The following UBLCP1 variants were observed in gnomAD, a reference collection of about 807,000 sequenced individuals.
UBLCP1 encodes the protein ubiquitin like domain containing CTD phosphatase 1.
A neutral mutation model predicts 42.4 loss-of-function variants in UBLCP1; 28 were observed. The observed-to-expected ratio is 0.66, with a 90% CI of 0.49 to 0.90. UBLCP1 has a LOEUF of 0.90. Ranked by LOEUF, UBLCP1 falls within the 40% of genes least tolerant of loss-of-function variation. The pLI is 0.00. For missense variants in UBLCP1, 279 were observed against 374.5 expected, an observed-to-expected ratio of 0.75 and a Z score of 2.10; for synonymous variants, 122 against 120.8, an observed-to-expected ratio of 1.01 and a Z score of -0.07.
intron 9 of UBLCP1, among the ~76,000 whole-genome samples, chr5:159,279,659 A>G (rs1184345084): frequency 2.6e-5 from 4 of 152,258 alleles, no homozygotes; most frequent in Non-Finnish European, 4.4e-5. Context: ...GTGAATTGCC[A>G]TAAGTATAAA....
Position 159,282,767 on chromosome 5 carries a change from A to G in UBLCP1, c.802-445A>G, listed in dbSNP as rs1256435206. Among the ~76,000 whole-genome samples, 3 of 152,140 alleles carry G rather than the reference A, an allele frequency of 2.0e-5. No homozygotes were observed. In the East Asian group the frequency reaches 5.8e-4, roughly 29 times the overall value. ...AAATGTATAATGATATCTCAGCTAT[A>G]TAAAAATTTAATAGAAAAATAAAAT... On this transcript the variant is annotated intron_variant, in intron 9 of 10. Coordinates refer to ENST00000296786, the MANE Select transcript of UBLCP1 (RefSeq NM_145049.5).
At chr5:159,284,058 A>G (rs1205044767) in intron 10 of UBLCP1, among the ~76,000 whole-genome samples, 2 of 152,178 alleles carry the variant, frequency 1.3e-5, no homozygotes, top group Non-Finnish European at 2.9e-5. Context: ...TTGTGTAATA[A>G]TAACACTTTG....
In UBLCP1 at chr5:159,269,017, C is replaced by A. The variant is rs201780569; in HGVS notation, c.102C>A (p.Thr34=). The A allele has an allele frequency of 3.0e-4, 481 of 1,607,030 alleles. 1 individual carries two copies. The highest frequency in any genetic ancestry group is 3.8e-4 in the Non-Finnish European group (444 of 1,177,562). ...TCGATCTCAAACAGTTTCTCAAGAC[C>A]CTTACAGGAGTTCTTCCAGAACGCC... ...TVLDLKQFLK[T]LTGVLPERQK... The change falls in exon 2 of 11, where the codon ACC becomes ACA. Residue 34 remains threonine, a synonymous_variant. Transcript: ENST00000296786.
At chr5:159,284,207 T>C (rs1310945584) in intron 10 of UBLCP1, among the ~76,000 whole-genome samples, 2 of 152,134 alleles carry the variant, frequency 1.3e-5, no homozygotes, top group Non-Finnish European at 2.9e-5. Context: ...GTCATGGAGA[T>C]AGTAAATACT....
chr5:159,278,029 T>C (rs1753558653), intron 8 of UBLCP1, among the ~76,000 whole-genome samples: 1 of 152,238 alleles, frequency 6.6e-6, no homozygotes, highest in Admixed American at 6.5e-5. Context: ...TTAGTTCAGT[T>C]GGACATGAAC....
At chr5:159,283,415 G>GT in intron 10 of UBLCP1, 76 bp downstream of exon 10, 1 of 1,198,474 alleles carries the variant, frequency 8.3e-7, no homozygotes. Context: ...AGTGACCCCA[G>GT]TATATATATA....
At chr5:159,269,686 A>G (rs1167775883) in intron 2 of UBLCP1, among the ~76,000 whole-genome samples, 2 of 152,178 alleles carry the variant, frequency 1.3e-5, no homozygotes, top group Non-Finnish European at 2.9e-5. Context: ...TTCATCTAAC[A>G]TAGAATTGGG....
In UBLCP1 at chr5:159,275,178, A is replaced by G; in HGVS notation, c.616A>G (p.Lys206Glu). The G allele has an allele frequency of 6.2e-7, 1 of 1,613,390 alleles. No individual in the cohort carries two copies. The highest frequency in any genetic ancestry group is 8.5e-7 in the Non-Finnish European group (1 of 1,179,796). The change falls in exon 8 of 11, where the codon AAG (lysine) becomes GAG (glutamate). Residue 206 changes from lysine to glutamate, a missense_variant. Lys to Glu is a moderately conservative substitution (Grantham distance 56). Coordinates refer to ENST00000296786, the MANE Select transcript of UBLCP1 (RefSeq NM_145049.5). ...ELGVSTNANY[K>E]ITFMLDSAAM... ...GGGAGTGAGCACAAATGCAAATTAT[A>G]AGATTACTTTCATGTTGGATAGTGC...
chr5:159,285,927 T>G lies in UBLCP1; in HGVS notation c.*996T>G, dbSNP rs1314756113. On this transcript the variant is annotated 3_prime_UTR_variant, in exon 11 of 11. Coordinates refer to ENST00000296786, the MANE Select transcript of UBLCP1 (RefSeq NM_145049.5). ...CTGTTTTGTGTTGACAATATTGCTT[T>G]ATACAGTTCTTGTATTTGAAAGGAA... is the stretch of plus-strand genomic sequence containing the variant. The G allele has an allele frequency of 6.5e-6, 1 of 152,774 alleles. No homozygotes were observed. The highest frequency in any genetic ancestry group is 1.5e-5 in the Non-Finnish European group (1 of 68,018). The allele number at this position is 152,774 out of a possible 1,614,324, so 9.5% of individuals were successfully genotyped here. A position where few individuals can be genotyped will look rare whatever the true frequency, so the allele number is the denominator to read the frequency against.
intron 1 of UBLCP1, among the ~76,000 whole-genome samples, chr5:159,263,596 G>A (rs1291974519): frequency 6.6e-6 from 1 of 152,166 alleles, no homozygotes; most frequent in Non-Finnish European, 1.5e-5. Context: ...TGGGTTTTGC[G>A]TCCCCAAACT....
At chr5:159,268,477 C>T (rs1245226390) in intron 1 of UBLCP1, among the ~76,000 whole-genome samples, 1 of 152,212 alleles carries the variant, frequency 6.6e-6, no homozygotes, top group African/African-American at 2.4e-5. Flanking sequence ...GAACCCAGGT[C>T]ATCTGGCTCT....
At chr5:159,278,943 G>A (rs950761647) in intron 9 of UBLCP1, among the ~76,000 whole-genome samples, 6 of 152,200 alleles carry the variant, frequency 3.9e-5, no homozygotes, top group African/African-American at 1.4e-4. Context: ...AGCATCCAAA[G>A]TGAAATCATT....
rs1157037403 is a variant in UBLCP1, at chr5:159,270,572, A to G, written c.377A>G (p.Lys126Arg). 1.2e-6 allele frequency: 2 copies of G among 1,611,872 alleles called. No individual in the cohort carries two copies. The highest frequency in any genetic ancestry group is 2.2e-5 in the East Asian group (1 of 44,746). ...LKISRRVKEY[K>R]VEILNPPREG... is the part of the protein sequence containing the mutation. ...ATTTCTCGCAGAGTGAAAGAGTACA[A>G]AGTGGAAATTTTGAATCCTCCCAGG... is the stretch of plus-strand genomic sequence containing the variant. Residue 126 changes from lysine to arginine, a missense_variant, in exon 5 of 11, where the codon AAA becomes AGA. Lys to Arg is a conservative substitution (Grantham distance 26, BLOSUM62 2). Transcript: ENST00000296786.
chr5:159,274,689 G>A, intron 7 of UBLCP1, 67 bp downstream of exon 7: 1 of 1,429,988 alleles, frequency 7.0e-7, no homozygotes, highest in Non-Finnish European at 9.8e-7. Context: ...AAAAGTTCTA[G>A]AACTGAATTA....
At chr5:159,268,637 G>A (rs1753426407) in intron 1 of UBLCP1, among the ~76,000 whole-genome samples, 1 of 152,212 alleles carries the variant, frequency 6.6e-6, no homozygotes, top group Non-Finnish European at 1.5e-5. Context: ...CAGTTGAACA[G>A]TGAGACTCAG....
chr5:159,281,744 T>C (rs1001914493), intron 9 of UBLCP1, among the ~76,000 whole-genome samples: 11 of 152,142 alleles, frequency 7.2e-5, no homozygotes. Context: ...CTACACTTAA[T>C]AGGTATGGTA....
chr5:159,270,991 TA>T (rs1466922252), intron 5 of UBLCP1, among the ~76,000 whole-genome samples: 4 of 151,916 alleles, frequency 2.6e-5, no homozygotes, highest in East Asian at 1.9e-4. Flanking sequence ...TGTGTATATA[TA>T]TTTTTTTATT....
chr5:159,272,500 T>G (rs1584739061), intron 6 of UBLCP1, among the ~76,000 whole-genome samples: 1 of 152,142 alleles, frequency 6.6e-6, no homozygotes, highest in East Asian at 1.9e-4. Context: ...GTGATCCTCC[T>G]GCCTTGGCCT....
Position 159,275,042 on chromosome 5 carries a change from G to C in UBLCP1, c.586-106G>C, listed in dbSNP as rs549414006. On this transcript the variant is annotated intron_variant, in intron 7 of 10. Coordinates refer to ENST00000296786, the MANE Select transcript of UBLCP1 (RefSeq NM_145049.5). ...GTTGTTTAGCAAGATGTAGTGGCCAGTGGTGTAGAAAGTTGGCATTATGAG... is the reference window on the plus strand; with the variant it reads ...GTTGTTTAGCAAGATGTAGTGGCCACTGGTGTAGAAAGTTGGCATTATGAG... 4.5e-6 allele frequency: 4 copies of C among 889,002 alleles called. No individual in the cohort carries two copies. In the African/African-American group the frequency reaches 6.6e-5, roughly 15 times the overall value. 55.1% of individuals were successfully genotyped at this position (889,002 alleles called of 1,614,324 possible).
Sources: gnomAD v4.1 joint callset for allele counts (sites outside exome capture counted in the v4.1 genomes callset) on GRCh38, gnomAD v4.1.1 for gene constraint, MANE v1.5 for transcripts, NCBI Gene and HGNC (gene_info 2026-07-23, HGNC 2026-07-21) for gene names.